The following IGSF22 variants were observed in gnomAD, a reference collection of about 807,000 sequenced individuals.
IGSF22 encodes the protein immunoglobulin superfamily, member 22.
Under a neutral mutation model 127.0 loss-of-function variants are expected in IGSF22, and 119 were observed. The observed-to-expected ratio is 0.94, with a 90% CI of 0.81 to 1.09. The LOEUF (loss-of-function observed/expected upper bound fraction) is 1.09. Among genes scored for constraint, IGSF22 ranks in the 50% least tolerant of loss-of-function variants. The probability of loss-of-function intolerance (pLI) is 0.00; values close to 1 mark genes in which losing one functional copy is unlikely to be tolerated. For missense variants in IGSF22, 1,518 were observed against 1,716.6 expected (o/e 0.88, Z 2.04); for synonymous variants, 568 against 664.7 (o/e 0.85, Z 2.24).
In IGSF22 at chr11:18,715,060, T is replaced by G. The variant is rs188253102; in HGVS notation, c.1531+372A>C. Among the ~76,000 whole-genome samples, 268 of 140,182 alleles carry G rather than the reference T, an allele frequency of 1.9e-3. 1 individual carries two copies. The highest frequency in any genetic ancestry group is 6.9e-3 in the African/African-American group (257 of 37,216). The allele number at this position is 140,182 out of a possible 152,430, so 92.0% of individuals were successfully genotyped here. A position where few individuals can be genotyped will look rare whatever the true frequency, so the allele number is the denominator to read the frequency against. ...ATACATACATACATGTCATTGGGGG[T>G]TGAGGGTAGCCAGGGTCTGCGGAAA... On this transcript the variant is annotated intron_variant, in intron 11 of 22. Transcript: ENST00000513874.
chr11:18,713,927 C>G lies in IGSF22; in HGVS notation c.2020G>C (p.Asp674His). The change falls in exon 14 of 23, where the codon GAC becomes CAC. Residue 674 changes from aspartate (D) to histidine (H), a missense_variant. Transcript: ENST00000513874. ...AGCTTGAGCAGGATGAGGCCGCTGT[C>G]TTCACGCACACAGTTGGAGATGGTG... The part of the protein sequence containing the change: ...LLTISNCVRE[D>H]SGLILLKLKN... 1 of 1,614,254 alleles carries G rather than the reference C, an allele frequency of 6.2e-7. No individual in the cohort carries two copies. The highest frequency in any genetic ancestry group is 8.5e-7 in the Non-Finnish European group (1 of 1,180,048).
chr11:18,712,131 A>G lies in IGSF22; in HGVS notation c.2349T>C (p.Gly783=). The change falls in exon 15 of 23, where the codon GGT becomes GGC. Residue 783 remains glycine (G), a synonymous_variant. Coordinates refer to ENST00000513874, the MANE Select transcript of IGSF22 (RefSeq NM_173588.4). ...CTTCTGTCTCCAGTGGGTCACTCAC[A>G]CCTTCTGAATTGACTGCCAGGATAC... The part of the protein sequence containing the change: ...QFRILAVNSE[G]VSDPLETEEV... 6.4e-7 allele frequency: 1 copy of G among 1,551,668 alleles called. No individual in the cohort carries two copies. The highest frequency in any genetic ancestry group is 8.7e-7 in the Non-Finnish European group (1 of 1,146,988).
rs760845804 is a variant in IGSF22 at position 18,716,884 on chromosome 11, C to G, written c.1090G>C (p.Gly364Arg). Residue 364 changes from glycine (G) to arginine (R), a missense_variant, in exon 10 of 23, where the codon GGG becomes CGG. By Grantham distance (125) the Gly-to-Arg change is moderately radical. This residue lies in a region of IGSF22 where 1,456 missense variants were observed against 1,644.9 expected (regional missense o/e 0.89). Coordinates refer to ENST00000513874, the MANE Select transcript of IGSF22 (RefSeq NM_173588.4). This position sits in a 1 kb window ranked among gnomAD's most constrained non-coding sequence, Gnocchi z 4.5. ...TTGTCATCCCTCTTCAGCTCCTTCC[C>G]ATTGAACTTCCACACAAAGTTGGGC... is the stretch of plus-strand genomic sequence containing the variant. ...KEPNFVWKFN[G>R]KELKRDDKYE... 1.2e-6 allele frequency: 2 copies of G among 1,614,210 alleles called. No individual in the cohort carries two copies. The highest frequency in any genetic ancestry group is 4.5e-5 in the East Asian group (2 of 44,888).
chr11:18,710,764 C>T lies in IGSF22; in HGVS notation c.2463G>A (p.Thr821=), dbSNP rs764543544. The part of the protein sequence containing the change: ...TDVTKEAVTI[T]WNAPTQDGGA... ...CCCCATCCTGGGTAGGGGCATTCCA[C>T]GTGATGGTCACGGCTTCTTTAGTCA... Residue 821 remains threonine (T), a synonymous_variant, in exon 16 of 23, where the codon ACG becomes ACA. Transcript: ENST00000513874. 1.2e-5 allele frequency: 19 copies of T among 1,614,032 alleles called. No homozygotes were observed. Among genetic ancestry groups the T allele is most frequent in the African/African-American group, 2.7e-5 (2 of 74,912 alleles).
intron 1 of IGSF22, among the ~76,000 whole-genome samples, chr11:18,725,641 T>C (rs759175003): frequency 3.1e-4 from 47 of 151,796 alleles, no homozygotes; most frequent in Admixed American, 9.8e-4. Flanking sequence ...GGCGTTTCAC[T>C]ATGTTGGCCA....
chr11:18,724,196 A>T lies in IGSF22; in HGVS notation c.41T>A (p.Val14Glu), dbSNP rs186848485. 1.2e-6 allele frequency: 2 copies of T among 1,614,016 alleles called. No individual in the cohort carries two copies. The highest frequency in any genetic ancestry group is 2.2e-5 in the East Asian group (1 of 44,870). ...GGTGGAGCTGGAGAACTCCATGGACACGTGCTCCTGCAGCATCTGCCGGCT... is the reference window on the plus strand; with the variant it reads ...GGTGGAGCTGGAGAACTCCATGGACTCGTGCTCCTGCAGCATCTGCCGGCT... ...IHSRQMLQEH[V>E]SMEFSSSTTH... Residue 14 changes from valine to glutamate, a missense_variant, in exon 2 of 23, where the codon GTG (valine) becomes GAG (glutamate). Around this residue, in one of 3 missense-constraint regions of IGSF22, gnomAD observed 1,456 missense variants for 1,644.9 expected, o/e 0.89. Coordinates refer to ENST00000513874, the MANE Select transcript of IGSF22 (RefSeq NM_173588.4).
Position 18,709,685 on chromosome 11 carries a change from T to C in IGSF22, c.2702-2A>G, listed in dbSNP as rs1564869057. 1 of 1,613,004 alleles carries C rather than the reference T, an allele frequency of 6.2e-7. No individual in the cohort carries two copies. The highest frequency in any genetic ancestry group is 1.7e-5 in the Admixed American group (1 of 59,928). On this transcript the variant is annotated splice_acceptor_variant, in intron 17 of 22. Transcript: ENST00000513874. LOFTEE classifies it high-confidence loss of function. The surrounding 1 kb of genome is among the most constrained non-coding windows in gnomAD (Gnocchi z 4.8). ...GGTCCTGGACCAGGCCTGGGGGTTC[T>C]GGGGTAGAACAGACATGTAGTCAGC...
chr11:18,712,414 G>A, intron 14 of IGSF22, 30 bp from the exon 15 acceptor site: 3 of 1,526,518 alleles, frequency 2.0e-6, no homozygotes, highest in Non-Finnish European at 2.6e-6. Context: ...TCAGAATGGG[G>A]CTTTGGAACA....
At chr11:18,718,166 G>C (rs1438835396) in intron 8 of IGSF22, 73 bp from the exon 9 acceptor site, 12 of 1,455,072 alleles carry the variant, frequency 8.2e-6, no homozygotes, top group Non-Finnish European at 1.0e-5. Context: ...CCATTCCCCA[G>C]CGCCAGCCTA....
chr11:18,704,701 T>G (rs1212842544), intron 22 of IGSF22, 163 bp from the exon 23 acceptor site: 4 of 612,184 alleles, frequency 6.5e-6, no homozygotes, highest in Non-Finnish European at 1.2e-5. Flanking sequence ...TATCTAGCAC[T>G]TAATATTTGC....
In IGSF22 at chr11:18,724,222, G is replaced by A. The variant is rs1193037171; in HGVS notation, c.15C>T (p.His5=). ...CGTGCTCCTGCAGCATCTGCCGGCT[G>A]TGAATGGTTGTCATGGTGACAGCAG... MTTI[H]SRQMLQEHVS... The change falls in exon 2 of 23, where the codon CAC becomes CAT. Residue 5 remains histidine, a synonymous_variant. Coordinates refer to ENST00000513874, the MANE Select transcript of IGSF22 (RefSeq NM_173588.4). 6 of 1,613,768 alleles carry A rather than the reference G, an allele frequency of 3.7e-6. No individual in the cohort carries two copies. The highest frequency in any genetic ancestry group is 5.1e-6 in the Non-Finnish European group (6 of 1,179,692).
At chr11:18,720,813 C>T (rs1033321007) in intron 4 of IGSF22, among the ~76,000 whole-genome samples, 2 of 151,992 alleles carry the variant, frequency 1.3e-5, no homozygotes, top group South Asian at 2.1e-4. Context: ...TGGGGCAGCT[C>T]GTGTGTGCTG....
In IGSF22 at chr11:18,715,709, G is replaced by A. The variant is rs200349000; in HGVS notation, c.1254C>T (p.Pro418=). 3.7e-6 allele frequency: 6 copies of A among 1,609,598 alleles called. No individual in the cohort carries two copies. The highest frequency in any genetic ancestry group is 5.1e-6 in the Non-Finnish European group (6 of 1,178,558). Residue 418 remains proline, a synonymous_variant, in exon 11 of 23, where the codon CCC becomes CCT. Transcript: ENST00000513874. ...TTTTGAGGTTGCTCACAAACTTGATGGGGATGCCTGTGGACAGACAGACAC... is the reference window on the plus strand; with the variant it reads ...TTTTGAGGTTGCTCACAAACTTGATAGGGATGCCTGTGGACAGACAGACAC... ...QKAQLTVDRI[P]IKFVSNLKNV... is the part of the protein sequence containing the mutation.
At chr11:18,715,213 G>C (rs773738914) in intron 11 of IGSF22, among the ~76,000 whole-genome samples, 2 of 151,846 alleles carry the variant, frequency 1.3e-5, no homozygotes, top group Non-Finnish European at 2.9e-5. Context: ...TCTGGAAGAT[G>C]GGGGGTGATC....
Position 18,719,842 on chromosome 11 carries a change from CTCTT to C in IGSF22, c.566_569del (p.Lys189ArgfsTer36). On this transcript the variant is annotated frameshift_variant, in exon 7 of 23. Transcript: ENST00000513874. LOFTEE classifies it high-confidence loss of function. ...GCACTTTGGACAAAATCTCCAGCAT[CTCTT>C]TCTCATTTGCCACCTTCTTCTGCTT... The C allele has an allele frequency of 6.2e-7, 1 of 1,614,216 alleles. No homozygotes were observed. Among genetic ancestry groups the C allele is most frequent in the Non-Finnish European group, 8.5e-7 (1 of 1,180,022 alleles).
In IGSF22 at chr11:18,722,011, A is replaced by G; in HGVS notation, c.140T>C (p.Ile47Thr). 2 of 1,614,020 alleles carry G rather than the reference A, an allele frequency of 1.2e-6. No individual in the cohort carries two copies. The highest frequency in any genetic ancestry group is 1.7e-6 in the Non-Finnish European group (2 of 1,180,018). Residue 47 changes from isoleucine (I) to threonine (T), a missense_variant, in exon 3 of 23, where the codon ATA becomes ACA. Physicochemically the swap from Ile to Thr is moderately conservative, Grantham distance 89. This residue lies in a region of IGSF22 where 1,456 missense variants were observed against 1,644.9 expected (regional missense o/e 0.89). Transcript: ENST00000513874. ...GGTCACTAAGCTGAAGAACTCCACT[A>G]TGCTCGAGGACTTCCTCCTCACGAC... ...EEVVRRKSSS[I>T]VEFFSLVTRS...
intron 2 of IGSF22, 94 bp from the exon 3 acceptor site, chr11:18,722,135 G>T: frequency 1.4e-6 from 2 of 1,474,066 alleles, no homozygotes; most frequent in Non-Finnish European, 9.3e-7. Flanking sequence ...GGTGGAGCAT[G>T]GGAACAAAGA....
intron 22 of IGSF22, among the ~76,000 whole-genome samples, chr11:18,705,034 G>A (rs1368140122): frequency 1.3e-5 from 2 of 152,124 alleles, no homozygotes; most frequent in Non-Finnish European, 2.9e-5. Flanking sequence ...AACAGGACAA[G>A]GTCCTTTCCC....
intron 4 of IGSF22, among the ~76,000 whole-genome samples, chr11:18,720,636 G>A (rs1439903024): frequency 2.0e-5 from 3 of 152,198 alleles, no homozygotes; most frequent in Non-Finnish European, 4.4e-5. Context: ...TTACTCCTCT[G>A]TACCAGACAC....
Sources: allele counts gnomAD v4.1 joint callset (sites outside exome capture counted in the v4.1 genomes callset), GRCh38; gene constraint gnomAD v4.1.1; regional missense constraint gnomAD v4.1.1; non-coding constraint Gnocchi (gnomAD v3.1); transcripts MANE v1.5; gene names NCBI Gene and HGNC (gene_info 2026-07-23, HGNC 2026-07-21).